Variants in MAGEB10 observed in about 807,000 individuals in gnomAD.
The protein encoded by MAGEB10 is MAGE family member B10.
For missense variants in MAGEB10, 190 were observed against 261.9 expected (o/e 0.73, Z 1.89); for synonymous variants, 99 against 101.0 (o/e 0.98, Z 0.12).
chrX:27,815,794 T>G (rs1448329020), intron 1 of MAGEB10, among the ~76,000 whole-genome samples: 1 of 111,907 alleles, frequency 8.9e-6, no homozygotes, highest in African/African-American at 3.3e-5. Context: ...AGATCACCCT[T>G]CTGTAGGTGA....
chrX:27,816,220 T>G (rs1275426123), intron 1 of MAGEB10, among the ~76,000 whole-genome samples: 2 of 110,912 alleles, frequency 1.8e-5, no homozygotes, highest in African/African-American at 6.6e-5. Flanking sequence ...AATCTCTCTA[T>G]TTTCAGGTCG....
chrX:27,817,957 C>T (rs1361674259), intron 2 of MAGEB10, among the ~76,000 whole-genome samples: 1 of 110,661 alleles, frequency 9.0e-6, no homozygotes, highest in Non-Finnish European at 1.9e-5. Context: ...ACTCAGGGCA[C>T]GGGGTAGTCA....
chrX:27,811,939 G>T (rs1395185224), intron 1 of MAGEB10: 1 of 141,796 alleles, frequency 7.1e-6, no homozygotes, highest in East Asian at 2.0e-4. Context: ...CGCCAGGCTC[G>T]AGAAGAGCCC....
intron 1 of MAGEB10, among the ~76,000 whole-genome samples, chrX:27,816,580 T>G (rs1304780689): frequency 8.9e-6 from 1 of 111,750 alleles, no homozygotes; most frequent in Non-Finnish European, 1.9e-5. Flanking sequence ...GGAAGAAATT[T>G]TTCAGTCTCT....
rs1454371561 is a variant in MAGEB10 at position 27,809,586 on chromosome X, C to T, written c.-199+1550C>T. Reference sequence around the variant, plus strand: ...CACCGCCCCCACCCCACCCACCCCCCCTCCTGTCCTACCGGAGCCTCCCTG... The same window carrying T: ...CACCGCCCCCACCCCACCCACCCCCTCTCCTGTCCTACCGGAGCCTCCCTG... On this transcript the variant is annotated intron_variant, in intron 1 of 2. Coordinates refer to ENST00000356790, the MANE Select transcript of MAGEB10 (RefSeq NM_182506.3). Among the ~76,000 whole-genome samples, 73 of 20,466 alleles carry T rather than the reference C, an allele frequency of 3.6e-3. 2 individuals carry two copies. Among genetic ancestry groups the T allele is most frequent in the African/African-American group, 0.014 (69 of 4,938 alleles). 17.8% of individuals were successfully genotyped at this position (20,466 alleles called of 115,157 possible). A position where few individuals can be genotyped will look rare whatever the true frequency, so the allele number is the denominator to read the frequency against.
At chrX:27,819,369 C>T (rs1048586850) in intron 2 of MAGEB10, among the ~76,000 whole-genome samples, 1 of 111,636 alleles carries the variant, frequency 9.0e-6, no homozygotes, top group Admixed American at 9.5e-5. Context: ...GAATTGGCTT[C>T]CCCAACTTCT....
chrX:27,810,716 T>A lies in MAGEB10; in HGVS notation c.-199+2680T>A, dbSNP rs767952704. 2.7e-5 allele frequency among the ~76,000 whole-genome samples: 3 copies of A among 111,229 alleles called. No individual in the cohort carries two copies. In the South Asian group the frequency reaches 1.1e-3, roughly 42 times the overall value. On this transcript the variant is annotated intron_variant, in intron 1 of 2. Coordinates refer to ENST00000356790, the MANE Select transcript of MAGEB10 (RefSeq NM_182506.3). ...AGAGCAAAGACTGAAGGGATTTTCT[T>A]CCCAGAACAAAGGGGACCCAACAGA...
rs896951545 is a variant in MAGEB10, at chrX:27,822,953, T to C, written c.*603T>C. On this transcript the variant is annotated 3_prime_UTR_variant, in exon 3 of 3. Transcript: ENST00000356790. ...TGGCGTAAACCCGGGAGGCGGAGCTTGCAGTGAGCCAAGATCACACGACTG... is the reference window on the plus strand; with the variant it reads ...TGGCGTAAACCCGGGAGGCGGAGCTCGCAGTGAGCCAAGATCACACGACTG... The C allele has an allele frequency of 8.9e-6, 1 of 112,297 alleles. No individual in the cohort carries two copies. The highest frequency in any genetic ancestry group is 3.3e-5 in the African/African-American group (1 of 30,021). The allele number at this position is 112,297 out of a possible 1,213,427, so 9.3% of individuals were successfully genotyped here.
At chrX:27,820,807 A>G in intron 2 of MAGEB10, among the ~76,000 whole-genome samples, 1 of 111,121 alleles carries the variant, frequency 9.0e-6, no homozygotes, top group South Asian at 3.9e-4. Context: ...GAGCTTTTCT[A>G]TTGTAGTCAT....
intron 2 of MAGEB10, among the ~76,000 whole-genome samples, chrX:27,819,306 T>G (rs377722547): frequency 1.6e-4 from 18 of 111,028 alleles, no homozygotes; most frequent in African/African-American, 5.9e-4. Context: ...ACCCCCTTAC[T>G]TCTAAGAGCT....
Position 27,821,274 on chromosome X carries a change from C to G in MAGEB10, c.-33C>G. The G allele has an allele frequency of 8.6e-7, 1 of 1,160,126 alleles. No individual in the cohort carries two copies. ...CTTCTCCAGGTCACGGGATCACCTG[C>G]CTTTTTGGCTGCTGCACCTGAACAG... On this transcript the variant is annotated 5_prime_UTR_variant, in exon 3 of 3. Transcript: ENST00000356790.
intron 2 of MAGEB10, among the ~76,000 whole-genome samples, chrX:27,819,324 T>TA (rs1923841246): frequency 1.8e-5 from 2 of 111,193 alleles, no homozygotes; most frequent in Admixed American, 1.9e-4. Flanking sequence ...GCTGCACCCC[T>TA]GCTCTCAGCA....
At chrX:27,809,378 A>AC (rs1223617772) in intron 1 of MAGEB10, among the ~76,000 whole-genome samples, 1 of 21,626 alleles carries the variant, frequency 4.6e-5, no homozygotes, top group Non-Finnish European at 8.1e-5. Flanking sequence ...AGCCTCTCCC[A>AC]CCCCCCCAAC....
At chrX:27,816,472 C>T (rs767111113) in intron 1 of MAGEB10, among the ~76,000 whole-genome samples, 42 of 111,691 alleles carry the variant, frequency 3.8e-4, no homozygotes, top group Non-Finnish European at 4.9e-4. Context: ...TTTTTCATTG[C>T]GCCTAAGGGC....
At chrX:27,817,153 T>C (rs1400594290) in intron 1 of MAGEB10, among the ~76,000 whole-genome samples, 1 of 106,380 alleles carries the variant, frequency 9.4e-6, no homozygotes, top group African/African-American at 3.3e-5. Flanking sequence ...AATATCAAAG[T>C]TTATTTGCAT....
Position 27,821,498 on chromosome X carries a change from T to C in MAGEB10, c.192T>C (p.Leu64=), listed in dbSNP as rs1265139979. The change falls in exon 3 of 3, where the codon CTT becomes CTC. Residue 64 remains leucine, a synonymous_variant. Coordinates refer to ENST00000356790, the MANE Select transcript of MAGEB10 (RefSeq NM_182506.3). ...LDGASNNPHG[L]REAQSTSTSA... Reference sequence around the variant, plus strand: ...GGGCATCCAACAATCCCCATGGACTTCGGGAAGCCCAATCCACCAGCACAT... The same window carrying C: ...GGGCATCCAACAATCCCCATGGACTCCGGGAAGCCCAATCCACCAGCACAT... The C allele has an allele frequency of 1.7e-6, 2 of 1,211,284 alleles. No individual in the cohort carries two copies. The highest frequency in any genetic ancestry group is 2.2e-5 in the Admixed American group (1 of 45,994).
At chrX:27,816,982 A>G (rs1923793525) in intron 1 of MAGEB10, among the ~76,000 whole-genome samples, 1 of 109,651 alleles carries the variant, frequency 9.1e-6, no homozygotes, top group African/African-American at 3.3e-5. Flanking sequence ...CCCCCTTGAC[A>G]CTGAAATATG....
At chrX:27,817,445 T>C (rs750836770) in intron 1 of MAGEB10, 109 bp from the exon 2 acceptor site, 2 of 111,508 alleles carry the variant, frequency 1.8e-5, no homozygotes, top group Non-Finnish European at 3.8e-5. Flanking sequence ...AAATGTATTA[T>C]AGGCTTTCTC....
chrX:27,808,815 G>A (rs1339937867), intron 1 of MAGEB10, among the ~76,000 whole-genome samples: 3 of 111,843 alleles, frequency 2.7e-5, no homozygotes, highest in Non-Finnish European at 3.8e-5. Context: ...ATAGCGGACC[G>A]GTCCCCACAG....
Sources: allele counts gnomAD v4.1 joint callset (sites outside exome capture counted in the v4.1 genomes callset), GRCh38; gene constraint gnomAD v4.1.1; transcripts MANE v1.5; gene names NCBI Gene and HGNC (gene_info 2026-07-23, HGNC 2026-07-21).